The following SORT1 variants were observed in gnomAD, a reference collection of about 807,000 sequenced individuals.
The protein encoded by SORT1 is sortilin.
SORT1 carries 39 observed loss-of-function variants against 101.7 expected under a neutral mutation model. The ratio of observed to expected loss-of-function variants is 0.38; its 90% CI spans 0.30 to 0.50. SORT1 has a LOEUF of 0.50. Among genes scored for constraint, SORT1 ranks in the 20% least tolerant of loss-of-function variants. SORT1 has a pLI of 0.90. For synonymous variants in SORT1, 396 were observed against 393.7 expected (o/e 1.01, Z -0.07); for missense variants, 878 against 1,040.4 (o/e 0.84, Z 2.15).
At chr1:109,358,479 C>T (rs1485160200) in intron 3 of SORT1, among the ~76,000 whole-genome samples, 1 of 152,096 alleles carries the variant, frequency 6.6e-6, no homozygotes, top group South Asian at 2.1e-4. Context: ...TTTTCAAATT[C>T]CATATGATAA....
chr1:109,329,805 G>A (rs1648337293), intron 11 of SORT1, among the ~76,000 whole-genome samples: 1 of 152,198 alleles, frequency 6.6e-6, no homozygotes, highest in Admixed American at 6.5e-5. Context: ...AGATCATCCA[G>A]ACAGAAAACC....
intron 1 of SORT1, among the ~76,000 whole-genome samples, chr1:109,388,812 T>C (rs1332853669): frequency 6.6e-6 from 1 of 152,182 alleles, no homozygotes; most frequent in African/African-American, 2.4e-5. Flanking sequence ...GAGAGGTTAA[T>C]TTGTCCATGG....
At chr1:109,351,717 G>A (rs866648334) in intron 5 of SORT1, among the ~76,000 whole-genome samples, 1 of 152,232 alleles carries the variant, frequency 6.6e-6, no homozygotes, top group Non-Finnish European at 1.5e-5. Context: ...GGAGGAATGT[G>A]TGCTAAGCAG....
intron 1 of SORT1, among the ~76,000 whole-genome samples, chr1:109,386,599 T>TCC (rs1257079159): frequency 6.6e-6 from 1 of 152,160 alleles, no homozygotes; most frequent in African/African-American, 2.4e-5. Context: ...ACACCTATAC[T>TCC]CCTAGCACTT....
At chr1:109,343,598 T>C (rs1282753594) in intron 8 of SORT1, among the ~76,000 whole-genome samples, 1 of 152,216 alleles carries the variant, frequency 6.6e-6, no homozygotes, top group South Asian at 2.1e-4. Flanking sequence ...AAATGCTCAC[T>C]TGACATCTCC....
chr1:109,381,470 TA>T (rs1485805539), intron 1 of SORT1, among the ~76,000 whole-genome samples: 1 of 152,074 alleles, frequency 6.6e-6, no homozygotes, highest in African/African-American at 2.4e-5. Flanking sequence ...AACCCAAAAC[TA>T]AAATGTTTCA....
At chr1:109,355,966 G>C (rs1297577530) in intron 3 of SORT1, among the ~76,000 whole-genome samples, 1 of 151,966 alleles carries the variant, frequency 6.6e-6, no homozygotes, top group African/African-American at 2.4e-5. Flanking sequence ...GCAATTCCCA[G>C]GCTCAAGTGA....
intron 1 of SORT1, among the ~76,000 whole-genome samples, chr1:109,385,237 C>T (rs997799188): frequency 6.6e-6 from 1 of 152,106 alleles, no homozygotes; most frequent in Admixed American, 6.6e-5. Context: ...GTTACATTGA[C>T]GATTAAGTTC....
At chr1:109,318,701 C>T (rs1258242894) in intron 15 of SORT1, among the ~76,000 whole-genome samples, 1 of 152,106 alleles carries the variant, frequency 6.6e-6, no homozygotes, top group African/African-American at 2.4e-5. Flanking sequence ...GCTCTGTTGC[C>T]CAGGCTGGAG....
At chr1:109,315,206 C>CCATT (rs1435954733) in intron 17 of SORT1, among the ~76,000 whole-genome samples, 1 of 152,034 alleles carries the variant, frequency 6.6e-6, no homozygotes, top group African/African-American at 2.4e-5. Flanking sequence ...ACCAGGCAGG[C>CCATT]CATTATATGA....
intron 9 of SORT1, 103 bp downstream of exon 9, chr1:109,341,911 A>G: frequency 8.9e-7 from 1 of 1,127,036 alleles, no homozygotes; most frequent in Non-Finnish European, 1.3e-6. Context: ...TAGGGCACTA[A>G]TAAATTTCTA....
intron 6 of SORT1, 64 bp downstream of exon 6, chr1:109,350,865 A>AT: frequency 9.4e-7 from 1 of 1,063,074 alleles, no homozygotes; most frequent in Non-Finnish European, 1.5e-6. Flanking sequence ...TATTCATGTG[A>AT]TTTTTGGCAG....
At chr1:109,341,440 G>A (rs909373416) in intron 9 of SORT1, among the ~76,000 whole-genome samples, 1 of 151,668 alleles carries the variant, frequency 6.6e-6, no homozygotes, top group Non-Finnish European at 1.5e-5. Flanking sequence ...TCCACCTCCC[G>A]GGTTCATGCC....
At chr1:109,316,264 T>A (rs1647212747) in intron 17 of SORT1, among the ~76,000 whole-genome samples, 1 of 150,722 alleles carries the variant, frequency 6.6e-6, no homozygotes. Context: ...GTTGCCCAGG[T>A]TGGAGTGTAG....
chr1:109,322,368 C>T (rs1377738783), intron 15 of SORT1, among the ~76,000 whole-genome samples: 1 of 152,170 alleles, frequency 6.6e-6, no homozygotes, highest in African/African-American at 2.4e-5. Flanking sequence ...CTCTCCTTCA[C>T]ACCACTGTCA....
chr1:109,325,171 C>A, intron 13 of SORT1, 82 bp from the exon 14 acceptor site: 2 of 802,982 alleles, frequency 2.5e-6, no homozygotes, highest in East Asian at 2.7e-5. Flanking sequence ...CTTTTTGATC[C>A]CAAACCAGAC....
At chr1:109,350,778 G>T (rs893213213) in intron 6 of SORT1, 151 bp downstream of exon 6, 23 of 626,742 alleles carry the variant, frequency 3.7e-5, no homozygotes, top group Non-Finnish European at 5.8e-5. Flanking sequence ...TCCAGGTCAA[G>T]GCCTGTGTCA....
chr1:109,351,965 G>GGTGTGTAGGGGTGT (rs1649992873), intron 5 of SORT1, among the ~76,000 whole-genome samples: 1 of 147,412 alleles, frequency 6.8e-6, no homozygotes, highest in African/African-American at 2.5e-5. Context: ...GAGAGGTAGG[G>GGTGTGTAGGGGTGT]GTGTGTGTGT....
chr1:109,397,787 G>T lies in SORT1; in HGVS notation c.106C>A (p.Arg36=), dbSNP rs1472270110. Residue 36 remains arginine, a synonymous_variant, in exon 1 of 20, where the codon CGG becomes AGG. Transcript: ENST00000256637. ...GCGGGCGGCGGCGGCGCGTCCAGCC[G>T]GTCCTGGCTGAGGGTCGACGGCGGC... is the stretch of plus-strand genomic sequence containing the variant. ...LLPPSTLSQD[R]LDAPPPPAAP... 2.4e-6 allele frequency: 3 copies of T among 1,243,586 alleles called. No individual in the cohort carries two copies. The highest frequency in any genetic ancestry group is 2.0e-6 in the Non-Finnish European group (2 of 988,226). 77.0% of individuals were successfully genotyped at this position (1,243,586 alleles called of 1,614,324 possible). A position where few individuals can be genotyped will look rare whatever the true frequency, so the allele number is the denominator to read the frequency against.
Sources: allele counts gnomAD v4.1 joint callset (sites outside exome capture counted in the v4.1 genomes callset), GRCh38; gene constraint gnomAD v4.1.1; transcripts MANE v1.5; gene names NCBI Gene and HGNC (gene_info 2026-07-23, HGNC 2026-07-21).